SAG: variants seen among roughly 807,000 people sequenced by gnomAD.
SAG encodes S-antigen visual arrestin.
SAG carries 45 observed loss-of-function variants against 55.0 expected under a neutral mutation model. The ratio of observed to expected loss-of-function variants is 0.82; its 90% CI spans 0.64 to 1.05. The LOEUF (loss-of-function observed/expected upper bound fraction) is 1.05, where lower values mean the gene tolerates loss of function less well. Ranked by LOEUF, SAG falls within the 50% of genes least tolerant of loss-of-function variation. The pLI is 0.00. For missense variants in SAG, 455 were observed against 512.1 expected (o/e 0.89, Z 1.08); for synonymous variants, 189 against 197.4 (o/e 0.96, Z 0.36).
At chr2:233,338,007 G>A (rs1396781924) in intron 11 of SAG, among the ~76,000 whole-genome samples, 1 of 152,210 alleles carries the variant, frequency 6.6e-6, no homozygotes, top group African/African-American at 2.4e-5. Flanking sequence ...GGGCACATCT[G>A]AGGGTCTCGC....
At chr2:233,312,942 G>A (rs533345315) in intron 2 of SAG, among the ~76,000 whole-genome samples, 8 of 152,210 alleles carry the variant, frequency 5.3e-5, no homozygotes, top group African/African-American at 1.9e-4. Context: ...CAAAGAGCAG[G>A]GACCTTGGGG....
At chr2:233,312,363 C>G (rs1700097702) in intron 2 of SAG, among the ~76,000 whole-genome samples, 2 of 152,178 alleles carry the variant, frequency 1.3e-5, no homozygotes, top group Non-Finnish European at 2.9e-5. Flanking sequence ...CTCCAGTTTG[C>G]TGCTGGCATG....
At position 233,319,728 on chromosome 2, in the gene SAG, C is replaced by T. The variant is rs1180800734; in HGVS notation, c.182-902C>T. 1.3e-5 allele frequency: 13 copies of T among 985,614 alleles called. No homozygotes were observed. Among genetic ancestry groups the T allele is most frequent in the South Asian group, 9.4e-5 (2 of 21,298 alleles). The allele number at this position is 985,614 out of a possible 1,614,324, so 61.1% of individuals were successfully genotyped here. ...CCAAGTCCTTGACCAGAGAAGGGCGCCTGTTCTCAGGGAAAGCCACTGCAC... is the reference window on the plus strand; with the variant it reads ...CCAAGTCCTTGACCAGAGAAGGGCGTCTGTTCTCAGGGAAAGCCACTGCAC... On this transcript the variant is annotated intron_variant, in intron 4 of 15. Coordinates refer to ENST00000409110, the MANE Select transcript of SAG (RefSeq NM_000541.5). The surrounding 1 kb of genome is among the most constrained non-coding windows in gnomAD (Gnocchi z 4.4).
chr2:233,317,864 C>T (rs993317315), intron 3 of SAG, among the ~76,000 whole-genome samples: 3 of 152,090 alleles, frequency 2.0e-5, no homozygotes, highest in Admixed American at 6.6e-5. Flanking sequence ...TAGATGTTTG[C>T]AATGTATAAT....
chr2:233,315,877 A>AT (rs895328038), intron 2 of SAG, among the ~76,000 whole-genome samples, 198 bp from the exon 3 acceptor site: 15 of 145,342 alleles, frequency 1.0e-4, no homozygotes, highest in South Asian at 2.2e-4. Flanking sequence ...TAATTTTTAT[A>AT]TTTTTTTTTA....
chr2:233,332,106 G>A (rs1700784771), intron 10 of SAG: 2 of 238,388 alleles, frequency 8.4e-6, no homozygotes, highest in African/African-American at 4.6e-5. Flanking sequence ...CCTATCTTTT[G>A]ATCTCAAATT....
chr2:233,341,610 A>G (rs571021738), intron 13 of SAG, among the ~76,000 whole-genome samples: 4 of 152,386 alleles, frequency 2.6e-5, no homozygotes, highest in African/African-American at 9.6e-5. Flanking sequence ...CACATATTGT[A>G]TGAATCCATT....
Position 233,342,518 on chromosome 2 carries a change from A to G in SAG, c.1102+192A>G. The stretch of plus-strand genomic sequence containing the variant: ...ATCTGTTCAGCGCTGAGCCGGGTAG[A>G]TTATCCACCTTCAGCTGGAGTCTGC... On this transcript the variant is annotated intron_variant, in intron 14 of 15. Coordinates refer to ENST00000409110, the MANE Select transcript of SAG (RefSeq NM_000541.5). The G allele has an allele frequency of 2.0e-5, 12 of 600,540 alleles. No homozygotes were observed. In the South Asian group the frequency reaches 2.4e-4, roughly 12 times the overall value. 37.2% of individuals were successfully genotyped at this position (600,540 alleles called of 1,614,324 possible).
intron 2 of SAG, among the ~76,000 whole-genome samples, chr2:233,313,796 T>C (rs1252228404): frequency 1.3e-5 from 2 of 148,856 alleles, no homozygotes; most frequent in East Asian, 4.0e-4. Context: ...CTTGAACTCC[T>C]GACTTCAGGT....
chr2:233,331,851 A>G (rs1700776682), intron 10 of SAG, 139 bp downstream of exon 10: 6 of 691,556 alleles, frequency 8.7e-6, no homozygotes, highest in Middle Eastern at 2.8e-4. Flanking sequence ...TCTCCCTTCG[A>G]GGGCTGCACA....
intron 2 of SAG, among the ~76,000 whole-genome samples, chr2:233,310,506 C>CTTTTT (rs967605903): frequency 4.3e-5 from 5 of 115,430 alleles, no homozygotes; most frequent in East Asian, 2.4e-4. Context: ...ATCATTCTGG[C>CTTTTT]TTTTTTTTTT....
rs1474579682 is a variant in SAG at position 233,328,503 on chromosome 2, A to T, written c.538A>T (p.Lys180Ter). ...KKSSVRLLIR[K>*]VQHAPLEMGP... ...GAGCTCCGTGCGATTACTGATCCGC[A>T]AAGTACAGCATGCCCCACTTGAGAT... Residue 180 changes from lysine to a stop codon, truncating the protein, a stop_gained, in exon 8 of 16, where the codon AAA (lysine) becomes TAA (stop). Transcript: ENST00000409110. LOFTEE classifies it high-confidence loss of function. 3 of 1,613,712 alleles carry T rather than the reference A, an allele frequency of 1.9e-6. No individual in the cohort carries two copies. Among genetic ancestry groups the T allele is most frequent in the African/African-American group, 1.3e-5 (1 of 74,924 alleles).
chr2:233,321,317 C>G (rs1700373982), intron 5 of SAG, among the ~76,000 whole-genome samples: 1 of 152,200 alleles, frequency 6.6e-6, no homozygotes, highest in South Asian at 2.1e-4. Context: ...CGTGCAAACT[C>G]TCTGAAGTCT....
Position 233,329,507 on chromosome 2 carries a change from G to A in SAG, c.663G>A (p.Gly221=). The A allele has an allele frequency of 6.2e-7, 1 of 1,612,160 alleles. No individual in the cohort carries two copies. The stretch of plus-strand genomic sequence containing the variant: ...GACTTTTCTAGATCTATTTCCATGG[G>A]GAGCCCATCCCTGTGACCGTGACTG... The part of the protein sequence containing the change: ...VSLNKEIYFH[G]EPIPVTVTVT... The change falls in exon 9 of 16, where the codon GGG becomes GGA. Residue 221 remains glycine, a synonymous_variant. Transcript: ENST00000409110.
At chr2:233,308,829 A>T (rs1009183299) in intron 1 of SAG, among the ~76,000 whole-genome samples, 10 of 152,204 alleles carry the variant, frequency 6.6e-5, no homozygotes, top group Non-Finnish European at 7.3e-5. Context: ...ATAGAACTTT[A>T]AATTCAACCT....
chr2:233,339,556 T>TC (rs1161994776), intron 12 of SAG, among the ~76,000 whole-genome samples: 10 of 147,564 alleles, frequency 6.8e-5, no homozygotes, highest in African/African-American at 2.2e-4. Context: ...TTTTTTTTTT[T>TC]CACTGTGGAT....
chr2:233,328,577 C>G lies in SAG; in HGVS notation c.612C>G (p.Asp204Glu), dbSNP rs770042474. 3 of 1,613,896 alleles carry G rather than the reference C, an allele frequency of 1.9e-6. No homozygotes were observed. The Admixed American group carries it at 5.0e-5, about 27-fold the overall frequency. Residue 204 changes from aspartate (D) to glutamate (E), a missense_variant, in exon 8 of 16, where the codon GAC becomes GAG. Asp to Glu is a conservative substitution (Grantham distance 45). Transcript: ENST00000409110. ...AEAAWQFFMS[D>E]KPLHLAVSLN... ...CGGCCTGGCAGTTCTTCATGTCTGA[C>G]AAGCCCCTGCACCTTGCGGTCTCTC...
chr2:233,330,307 C>T (rs1460856157), intron 9 of SAG, among the ~76,000 whole-genome samples: 2 of 152,166 alleles, frequency 1.3e-5, no homozygotes, highest in African/African-American at 4.8e-5. Flanking sequence ...TCCCAGGGCC[C>T]AGGACTGAGG....
intron 9 of SAG, among the ~76,000 whole-genome samples, chr2:233,329,956 G>T (rs1011853836): frequency 2.6e-5 from 4 of 152,212 alleles, no homozygotes; most frequent in Non-Finnish European, 4.4e-5. Flanking sequence ...CACAGCAGGG[G>T]CTCCTTGTCT....
Sources: gnomAD v4.1 joint callset for allele counts (sites outside exome capture counted in the v4.1 genomes callset) on GRCh38, gnomAD v4.1.1 for gene constraint, Gnocchi (gnomAD v3.1) non-coding constraint, MANE v1.5 for transcripts, NCBI Gene and HGNC (gene_info 2026-07-23, HGNC 2026-07-21) for gene names.